Variants in DLG2 observed in about 807,000 individuals in gnomAD.
DLG2 encodes discs large MAGUK scaffold protein 2.
A neutral mutation model predicts 132.5 loss-of-function variants in DLG2; 45 were observed. That is an observed-to-expected ratio of 0.34 (90% CI 0.27 to 0.44). The LOEUF is 0.44. DLG2 is among the 20% of genes least tolerant of loss of function. The pLI, the probability that DLG2 is intolerant of heterozygous loss-of-function variation, is 1.00. For synonymous variants in DLG2, 424 were observed against 419.6 expected, an observed-to-expected ratio of 1.01 and a Z score of -0.13; for missense variants, 1,045 against 1,196.9, an observed-to-expected ratio of 0.87 and a Z score of 1.87.
chr11:83,668,705 AC>A (rs2076193132), intron 18 of DLG2, among the ~76,000 whole-genome samples: 1 of 13,106 alleles, frequency 7.6e-5, no homozygotes, highest in African/African-American at 3.5e-4. Flanking sequence ...GTATATAAAC[AC>A]ATATATATGT....
intron 6 of DLG2, among the ~76,000 whole-genome samples, chr11:85,068,702 G>A (rs1593563180): frequency 1.3e-5 from 2 of 151,970 alleles, no homozygotes; most frequent in Admixed American, 6.6e-5. Flanking sequence ...GGAAGAATCA[G>A]TACTGTGAAA....
chr11:83,778,083 G>C (rs2094659735), intron 18 of DLG2, among the ~76,000 whole-genome samples: 1 of 152,114 alleles, frequency 6.6e-6, no homozygotes. Flanking sequence ...AGAGATGTGA[G>C]GGTAAACTAT....
At chr11:85,001,066 G>A (rs1012328355) in intron 6 of DLG2, among the ~76,000 whole-genome samples, 1 of 151,616 alleles carries the variant, frequency 6.6e-6, no homozygotes, top group Non-Finnish European at 1.5e-5. Flanking sequence ...GAACCCTTTT[G>A]CCCCACCCAT....
intron 16 of DLG2, among the ~76,000 whole-genome samples, chr11:83,850,512 G>A (rs2059564196): frequency 6.6e-6 from 1 of 152,022 alleles, no homozygotes; most frequent in Non-Finnish European, 1.5e-5. Flanking sequence ...TGGGGAGTGG[G>A]ATAATAATTA....
chr11:85,082,272 T>C (rs2067334057), intron 6 of DLG2, among the ~76,000 whole-genome samples: 1 of 152,060 alleles, frequency 6.6e-6, no homozygotes. Context: ...ACCTTCAAAC[T>C]AAAGCATTTC....
intron 6 of DLG2, among the ~76,000 whole-genome samples, chr11:84,629,705 G>A (rs1257446862): frequency 6.6e-6 from 1 of 152,096 alleles, no homozygotes; most frequent in Non-Finnish European, 1.5e-5. Flanking sequence ...GACAAATTAA[G>A]TGTTCACATA....
intron 3 of DLG2, among the ~76,000 whole-genome samples, chr11:85,440,166 T>A (rs1001270407): frequency 6.6e-6 from 1 of 152,222 alleles, no homozygotes; most frequent in East Asian, 1.9e-4. Context: ...GACTTATGCC[T>A]ACAACAAAAT....
intron 10 of DLG2, among the ~76,000 whole-genome samples, chr11:84,090,309 G>C (rs1034154069): frequency 6.6e-6 from 1 of 150,914 alleles, no homozygotes; most frequent in Non-Finnish European, 1.5e-5. Flanking sequence ...AGCTACTCAC[G>C]AGGCTGAGGC....
intron 3 of DLG2, among the ~76,000 whole-genome samples, chr11:85,562,672 G>A (rs2077321535): frequency 6.6e-6 from 1 of 151,586 alleles, no homozygotes; most frequent in Non-Finnish European, 1.5e-5. Context: ...AAATGGCCTT[G>A]TCTCATGCCT....
intron 6 of DLG2, among the ~76,000 whole-genome samples, chr11:84,956,198 A>T (rs1191047452): frequency 6.6e-6 from 1 of 152,220 alleles, no homozygotes; most frequent in Non-Finnish European, 1.5e-5. Context: ...TAACTCTGGC[A>T]ATAACTCAAG....
At chr11:84,241,155 G>A (rs1220506664) in intron 8 of DLG2, among the ~76,000 whole-genome samples, 2 of 152,122 alleles carry the variant, frequency 1.3e-5, no homozygotes, top group Non-Finnish European at 2.9e-5. Context: ...CTGATTCCTT[G>A]AAATAGGATG....
intron 6 of DLG2, among the ~76,000 whole-genome samples, chr11:85,001,071 A>AC (rs970498306): frequency 1.3e-5 from 2 of 151,860 alleles, no homozygotes; most frequent in African/African-American, 4.8e-5. Flanking sequence ...CTTTTGCCCC[A>AC]CCCATAATAC....
At chr11:83,587,800 G>C (rs953848807) in intron 19 of DLG2, among the ~76,000 whole-genome samples, 1 of 152,082 alleles carries the variant, frequency 6.6e-6, no homozygotes, top group Non-Finnish European at 1.5e-5. Context: ...TGCGCGAGCC[G>C]AAGCAGGGCG....
chr11:85,292,541 A>G (rs1030751933), intron 3 of DLG2, among the ~76,000 whole-genome samples: 1 of 151,258 alleles, frequency 6.6e-6, no homozygotes, highest in Non-Finnish European at 1.5e-5. Flanking sequence ...GAGAATGAGT[A>G]AATGCTCATA....
At chr11:85,174,579 C>T (rs1229730420) in intron 4 of DLG2, among the ~76,000 whole-genome samples, 5 of 151,782 alleles carry the variant, frequency 3.3e-5, no homozygotes, top group African/African-American at 7.3e-5. Context: ...AGAAAATGAA[C>T]CCCAAAGTTA....
At chr11:84,372,894 C>A (rs1402483947) in intron 7 of DLG2, among the ~76,000 whole-genome samples, 1 of 152,060 alleles carries the variant, frequency 6.6e-6, no homozygotes, top group Non-Finnish European at 1.5e-5. Context: ...GAGACATTCA[C>A]ATTAATTTAT....
At chr11:84,328,167 G>A (rs1485961325) in intron 7 of DLG2, among the ~76,000 whole-genome samples, 1 of 151,976 alleles carries the variant, frequency 6.6e-6, no homozygotes, top group African/African-American at 2.4e-5. Flanking sequence ...GTTTTATGAG[G>A]GAGAAAATGT....
chr11:84,099,499 C>T (rs2092217490), intron 9 of DLG2, among the ~76,000 whole-genome samples: 1 of 151,864 alleles, frequency 6.6e-6, no homozygotes, highest in Non-Finnish European at 1.5e-5. Flanking sequence ...GTTCTAATAT[C>T]ACTTATCTGT....
intron 6 of DLG2, among the ~76,000 whole-genome samples, chr11:84,608,323 G>A (rs2099589405): frequency 6.6e-6 from 1 of 152,128 alleles, no homozygotes; most frequent in African/African-American, 2.4e-5. Context: ...TTGTGTGTTT[G>A]TTTTTACCAC....
Sources: gnomAD v4.1 joint callset for allele counts (sites outside exome capture counted in the v4.1 genomes callset) on GRCh38, gnomAD v4.1.1 for gene constraint, MANE v1.5 for transcripts, NCBI Gene and HGNC (gene_info 2026-07-23, HGNC 2026-07-21) for gene names.